IFFO1: variants seen among roughly 807,000 people sequenced by gnomAD.
The protein encoded by IFFO1 is non-homologous end joining factor IFFO1.
A neutral mutation model predicts 59.6 loss-of-function variants in IFFO1; 42 were observed. The observed-to-expected ratio is 0.70, with a 90% CI of 0.55 to 0.91. The LOEUF (loss-of-function observed/expected upper bound fraction) is 0.91. IFFO1 is among the 40% of genes least tolerant of loss of function. The probability of loss-of-function intolerance (pLI) is 0.00; values close to 1 mark genes in which losing one functional copy is unlikely to be tolerated. For missense variants in IFFO1, 711 were observed against 793.2 expected (o/e 0.90, Z 1.24); for synonymous variants, 336 against 342.8 (o/e 0.98, Z 0.22).
At position 6,548,587 on chromosome 12, in the gene IFFO1, G is replaced by A. The variant is rs763713551; in HGVS notation, c.1263-42C>T. On this transcript the variant is annotated intron_variant, in intron 6 of 9. Coordinates refer to ENST00000619571, the MANE Select transcript of IFFO1 (RefSeq NM_001193457.2). This position sits in a 1 kb window ranked among gnomAD's most constrained non-coding sequence, Gnocchi z 6.1. ...CGGGTGTCAGGGCGGGCGGGGCCTC[G>A]TCCTGGCGGGGGACTGGGGAGCTCC... 2.1e-5 allele frequency: 34 copies of A among 1,613,244 alleles called. No homozygotes were observed. The highest frequency in any genetic ancestry group is 1.7e-4 in the Admixed American group (10 of 59,958).
At chr12:6,552,481 C>G (rs114068421) in intron 1 of IFFO1, among the ~76,000 whole-genome samples, 1 of 152,196 alleles carries the variant, frequency 6.6e-6, no homozygotes, top group Non-Finnish European at 1.5e-5. Context: ...GGGAACCAGT[C>G]GCATCAGATT....
chr12:6,554,814 C>T (rs1362354356), intron 1 of IFFO1, among the ~76,000 whole-genome samples: 1 of 152,228 alleles, frequency 6.6e-6, no homozygotes, highest in East Asian at 1.9e-4. Flanking sequence ...AAGAATCACT[C>T]GTTGCAAGGT....
At chr12:6,545,208 A>C (rs938363977) in intron 8 of IFFO1, among the ~76,000 whole-genome samples, 19 of 151,190 alleles carry the variant, frequency 1.3e-4, no homozygotes, top group Admixed American at 7.2e-4. Context: ...CAGCGAGACT[A>C]CGTCTCAAAA....
chr12:6,546,814 A>G (rs1946990057), intron 8 of IFFO1, among the ~76,000 whole-genome samples: 1 of 152,134 alleles, frequency 6.6e-6, no homozygotes. Context: ...TGCAGCTCCT[A>G]AAGCCTAGAG....
chr12:6,550,007 C>A, intron 3 of IFFO1, 111 bp from the exon 4 acceptor site: 1 of 1,199,368 alleles, frequency 8.3e-7, no homozygotes, highest in Non-Finnish European at 1.2e-6. Context: ...GGTGCCTCTT[C>A]TGTGGAGTCT....
At chr12:6,551,034 GGTACAGA>G in intron 1 of IFFO1, 33 bp from the exon 2 acceptor site, 1 of 1,609,918 alleles carries the variant, frequency 6.2e-7, no homozygotes, top group South Asian at 1.1e-5. Context: ...AGAGAGCTTA[GGTACAGA>G]GTCCTTCCCT....
Position 6,541,442 on chromosome 12 carries a change from G to T in IFFO1, c.1610+70C>A. 8 of 1,583,950 alleles carry T rather than the reference G, an allele frequency of 5.1e-6. No homozygotes were observed. Among genetic ancestry groups the T allele is most frequent in the Non-Finnish European group, 6.9e-6 (8 of 1,164,710 alleles). On this transcript the variant is annotated intron_variant, in intron 9 of 9. Transcript: ENST00000619571. This position sits in a 1 kb window ranked among gnomAD's most constrained non-coding sequence, Gnocchi z 4.8. ...ACCCAGTCATTGCCTGAGGGTCTCT[G>T]GGGCTGTGTTCCAACCTTTCTCCCC...
chr12:6,555,931 G>T lies in IFFO1; in HGVS notation c.99C>A (p.Ala33=). 1 of 1,546,842 alleles carries T rather than the reference G, an allele frequency of 6.5e-7. No homozygotes were observed. Among genetic ancestry groups the T allele is most frequent in the Non-Finnish European group, 8.7e-7 (1 of 1,151,390 alleles). ...GCGCCGGGGGCAAGTCTCCTCCCCC[G>T]GCGAAGTGGTCGCCTCCCAGTGAGT... is the stretch of plus-strand genomic sequence containing the variant. ...LGDSLGGDHF[A]GGGDLPPAPL... is the part of the protein sequence containing the mutation. The change falls in exon 1 of 10, where the codon GCC becomes GCA. Residue 33 remains alanine (A), a synonymous_variant. Transcript: ENST00000619571. This position sits in a 1 kb window ranked among gnomAD's most constrained non-coding sequence, Gnocchi z 8.6.
chr12:6,550,919 G>A (rs1461323747), intron 2 of IFFO1, 22 bp downstream of exon 2: 1 of 1,613,658 alleles, frequency 6.2e-7, no homozygotes. Flanking sequence ...AGCACCAGCA[G>A]CAAGTGGGGC....
chr12:6,548,946 G>A lies in IFFO1; in HGVS notation c.1081-97C>T. The A allele has an allele frequency of 5.0e-6, 5 of 995,082 alleles. No individual in the cohort carries two copies. The highest frequency in any genetic ancestry group is 7.4e-6 in the Non-Finnish European group (5 of 677,006). 61.6% of individuals were successfully genotyped at this position (995,082 alleles called of 1,614,324 possible). On this transcript the variant is annotated intron_variant, in intron 5 of 9. Coordinates refer to ENST00000619571, the MANE Select transcript of IFFO1 (RefSeq NM_001193457.2). The surrounding 1 kb of genome is among the most constrained non-coding windows in gnomAD (Gnocchi z 6.1). The stretch of plus-strand genomic sequence containing the variant: ...GGGGAGAAGCATGAACCAGTAGGAA[G>A]GGGGGGCAGACAGAGAGAAAAGTCA...
At chr12:6,547,269 C>T (rs1486951031) in intron 8 of IFFO1, among the ~76,000 whole-genome samples, 12 of 151,982 alleles carry the variant, frequency 7.9e-5, no homozygotes, top group Admixed American at 5.3e-4. Flanking sequence ...AAAAATTAGC[C>T]GGGCGTGGTA....
rs1592228331 is a variant in IFFO1 at position 6,555,346 on chromosome 12, G to C, written c.684C>G (p.Gly228=). The C allele has an allele frequency of 6.2e-7, 1 of 1,614,174 alleles. No individual in the cohort carries two copies. ...GLSWVHPDGV[G]VQIDTITPEI... ...CGGGCGTGATGGTGTCGATCTGGAC[G>C]CCCACCCCATCCGGGTGCACCCACG... Residue 228 remains glycine (G), a synonymous_variant, in exon 1 of 10, where the codon GGC becomes GGG. Coordinates refer to ENST00000619571, the MANE Select transcript of IFFO1 (RefSeq NM_001193457.2). This position sits in a 1 kb window ranked among gnomAD's most constrained non-coding sequence, Gnocchi z 8.6.
Position 6,548,553 on chromosome 12 carries a change from C to T in IFFO1, c.1263-8G>A. 6.2e-7 allele frequency: 1 copy of T among 1,613,562 alleles called. No individual in the cohort carries two copies. Among genetic ancestry groups the T allele is most frequent in the Non-Finnish European group, 8.5e-7 (1 of 1,179,650 alleles). On this transcript the variant is annotated splice_polypyrimidine_tract_variant and splice_region_variant and intron_variant, in intron 6 of 9. Transcript: ENST00000619571. This position sits in a 1 kb window ranked among gnomAD's most constrained non-coding sequence, Gnocchi z 6.1. Reference sequence around the variant, plus strand: ...TCAAAATCATACTCCCTCCTAGAGACAGGGAACCCGGGTGTCAGGGCGGGC... The same window carrying T: ...TCAAAATCATACTCCCTCCTAGAGATAGGGAACCCGGGTGTCAGGGCGGGC...
Position 6,555,640 on chromosome 12 carries a change from G to A in IFFO1, c.390C>T (p.Phe130=), listed in dbSNP as rs753027922. The change falls in exon 1 of 10, where the codon TTC becomes TTT. Residue 130 remains phenylalanine (F), a synonymous_variant. Transcript: ENST00000619571. The surrounding 1 kb of genome is among the most constrained non-coding windows in gnomAD (Gnocchi z 8.6). ...GCCCCAGGGGCCGGATGGGGCTGAC[G>A]AAGCCGGTCTGCACTGCCTGGTCGC... The part of the protein sequence containing the change: ...GRRDQAVQTG[F]VSPIRPLGLQ... 6.5e-7 allele frequency: 1 copy of A among 1,550,374 alleles called. No homozygotes were observed. The highest frequency in any genetic ancestry group is 8.7e-7 in the Non-Finnish European group (1 of 1,153,684).
intron 1 of IFFO1, among the ~76,000 whole-genome samples, chr12:6,551,227 C>T (rs1049773973): frequency 3.3e-5 from 5 of 152,220 alleles, no homozygotes; most frequent in Admixed American, 6.5e-5. Context: ...GCTGCCTTCC[C>T]GGAACCTCCG....
chr12:6,540,120 GACAACAGGGA>G lies in IFFO1; in HGVS notation c.*353_*362del. On this transcript the variant is annotated 3_prime_UTR_variant, in exon 10 of 10. Transcript: ENST00000619571. Reference sequence around the variant, plus strand: ...TGTGGAAGACAGTGAGCTGGCTCCGGACAACAGGGATGGAGGAAAGGTCCCACATTCACAT... The same window carrying G: ...TGTGGAAGACAGTGAGCTGGCTCCGGTGGAGGAAAGGTCCCACATTCACAT... 1.2e-5 allele frequency: 4 copies of G among 345,040 alleles called. No individual in the cohort carries two copies. The highest frequency in any genetic ancestry group is 2.8e-5 in the South Asian group (1 of 35,990). 21.4% of individuals were successfully genotyped at this position (345,040 alleles called of 1,614,324 possible).
rs143403556 is a variant in IFFO1 at position 6,541,633 on chromosome 12, C to T, written c.1489G>A (p.Ala497Thr). 1 of 1,614,084 alleles carries T rather than the reference C, an allele frequency of 6.2e-7. No individual in the cohort carries two copies. Among genetic ancestry groups the T allele is most frequent in the Non-Finnish European group, 8.5e-7 (1 of 1,180,008 alleles). The change falls in exon 9 of 10, where the codon GCC (alanine) becomes ACC (threonine). Residue 497 changes from alanine to threonine, a missense_variant. Physicochemically the swap from Ala to Thr is moderately conservative, Grantham distance 58. This residue lies in a region of IFFO1 where 579 missense variants were observed against 650.3 expected (regional missense o/e 0.89). Coordinates refer to ENST00000619571, the MANE Select transcript of IFFO1 (RefSeq NM_001193457.2). This position sits in a 1 kb window ranked among gnomAD's most constrained non-coding sequence, Gnocchi z 4.8. ...ETIDQIELEL[A>T]TAKNDMNRHL... ...CGGTTCATGTCGTTCTTGGCCGTGGCCAACTCCAGCTGTGGTGGGGCAGGC... is the reference window on the plus strand; with the variant it reads ...CGGTTCATGTCGTTCTTGGCCGTGGTCAACTCCAGCTGTGGTGGGGCAGGC...
At chr12:6,554,342 T>G (rs1304106312) in intron 1 of IFFO1, among the ~76,000 whole-genome samples, 1 of 152,172 alleles carries the variant, frequency 6.6e-6, no homozygotes, top group Non-Finnish European at 1.5e-5. Flanking sequence ...AAGGCTTGGG[T>G]TGGAGTCTGC....
At position 6,552,091 on chromosome 12, in the gene IFFO1, A is replaced by G. The variant is rs183047436; in HGVS notation, c.774-1090T>C. On this transcript the variant is annotated intron_variant, in intron 1 of 9. Transcript: ENST00000619571. Reference sequence around the variant, plus strand: ...GGAGGGGAACTGCACCAAGAGAGAAACTTCAACACAAGAAAGGTGGTTAGG... The same window carrying G: ...GGAGGGGAACTGCACCAAGAGAGAAGCTTCAACACAAGAAAGGTGGTTAGG... Among the ~76,000 whole-genome samples, 19 of 152,294 alleles carry G rather than the reference A, an allele frequency of 1.2e-4. No homozygotes were observed. In the East Asian group the frequency reaches 3.5e-3, roughly 28 times the overall value.
Sources: gnomAD v4.1 joint callset for allele counts (sites outside exome capture counted in the v4.1 genomes callset) on GRCh38, gnomAD v4.1.1 for gene constraint, gnomAD v4.1.1 regional missense constraint, Gnocchi (gnomAD v3.1) non-coding constraint, MANE v1.5 for transcripts, NCBI Gene and HGNC (gene_info 2026-07-23, HGNC 2026-07-21) for gene names.